The following OLFM1 variants were observed in gnomAD, a reference collection of about 807,000 sequenced individuals.
OLFM1 encodes the protein noelin.
A neutral mutation model predicts 49.7 loss-of-function variants in OLFM1; 9 were observed. The ratio of observed to expected loss-of-function variants is 0.18; its 90% CI spans 0.11 to 0.32. OLFM1 has a LOEUF of 0.32. OLFM1 is among the 10% of genes least tolerant of loss of function. The pLI, the probability that OLFM1 is intolerant of heterozygous loss-of-function variation, is 1.00. For missense variants in OLFM1, 369 were observed against 661.8 expected (o/e 0.56, Z 4.85); for synonymous variants, 240 against 271.8 (o/e 0.88, Z 1.15).
intron 4 of OLFM1, among the ~76,000 whole-genome samples, chr9:135,102,583 C>G (rs116920251): frequency 6.6e-6 from 1 of 152,164 alleles, no homozygotes; most frequent in Non-Finnish European, 1.5e-5. Flanking sequence ...GAGGGTCTGC[C>G]GTGACCCTTT....
upstream of OLFM1, chr9:135,087,193 G>C (rs2119095894): frequency 1.4e-6 from 2 of 1,389,768 alleles, no homozygotes; most frequent in Admixed American, 6.3e-5. Flanking sequence ...TCGCGAGTCT[G>C]GCTGCTTTTC....
intron 1 of OLFM1, chr9:135,076,331 T>C: frequency 6.5e-7 from 1 of 1,549,508 alleles, no homozygotes; most frequent in Non-Finnish European, 8.7e-7. Context: ...GCCGGCCAGC[T>C]GTGTGCATTG....
At chr9:135,114,321 G>C (rs1831066209) in intron 5 of OLFM1, among the ~76,000 whole-genome samples, 1 of 151,748 alleles carries the variant, frequency 6.6e-6, no homozygotes, top group South Asian at 2.1e-4. Context: ...AGGTTTCACT[G>C]TGTTGGCCAG....
At chr9:135,089,709 C>G (rs975677935) in intron 1 of OLFM1, among the ~76,000 whole-genome samples, 1 of 152,164 alleles carries the variant, frequency 6.6e-6, no homozygotes, top group Non-Finnish European at 1.5e-5. Flanking sequence ...GTGGGTGCTT[C>G]GTCTGCAAGT....
Position 135,077,137 on chromosome 9 carries a change from C to T in OLFM1, c.96+1335C>T, listed in dbSNP as rs761785162. ...GTTGTGCACTGTTGCTGGACAGATG[C>T]ATTCATTCATGTGCACACACACACA... On this transcript the variant is annotated intron_variant, in intron 1 of 5. Coordinates refer to the OLFM1 transcript ENST00000252854. 25 of 1,549,488 alleles carry T rather than the reference C, an allele frequency of 1.6e-5. No homozygotes were observed. In the South Asian group the frequency reaches 2.1e-4, roughly 13 times the overall value.
intron 1 of OLFM1, chr9:135,076,066 G>GC: frequency 6.9e-7 from 1 of 1,457,828 alleles, no homozygotes; most frequent in Non-Finnish European, 9.1e-7. Context: ...GGACTCCGCT[G>GC]CCCCCGACTC....
chr9:135,089,204 C>A (rs148008166), intron 1 of OLFM1, among the ~76,000 whole-genome samples: 18 of 152,352 alleles, frequency 1.2e-4, no homozygotes, highest in African/African-American at 4.3e-4. Flanking sequence ...GACTTTGTTC[C>A]GGCCTGCCGG....
At chr9:135,106,149 G>C (rs1011360555) in intron 4 of OLFM1, 1 of 152,526 alleles carries the variant, frequency 6.6e-6, no homozygotes, top group Non-Finnish European at 1.5e-5. Context: ...AGAAGCAACC[G>C]GCTCACGCCT....
chr9:135,112,643 A>T (rs1831038691), intron 5 of OLFM1, among the ~76,000 whole-genome samples: 1 of 152,234 alleles, frequency 6.6e-6, no homozygotes, highest in Non-Finnish European at 1.5e-5. Context: ...CCGTCCACCC[A>T]GTCCGCACAG....
upstream of OLFM1, among the ~76,000 whole-genome samples, chr9:135,086,134 T>C (rs1830593104): frequency 6.6e-6 from 1 of 152,114 alleles, no homozygotes; most frequent in South Asian, 2.1e-4. Flanking sequence ...GTGTTAAACA[T>C]GCATGGCCAG....
chr9:135,104,081 G>A (rs935773642), intron 4 of OLFM1, among the ~76,000 whole-genome samples: 1 of 152,210 alleles, frequency 6.6e-6, no homozygotes. Flanking sequence ...CTTCCCTGGG[G>A]CAGTAAGACC....
intron 4 of OLFM1, among the ~76,000 whole-genome samples, chr9:135,103,242 CTG>C (rs1830895021): frequency 6.6e-6 from 1 of 152,234 alleles, no homozygotes; most frequent in South Asian, 2.1e-4. Flanking sequence ...GTGCTCGTGA[CTG>C]GAGAGGGACG....
At chr9:135,108,642 AAAAC>A (rs1830979415) in intron 5 of OLFM1, among the ~76,000 whole-genome samples, 1 of 151,934 alleles carries the variant, frequency 6.6e-6, no homozygotes, top group Admixed American at 6.5e-5. Flanking sequence ...CAAAAAAAAA[AAAAC>A]AAAAAAAACA....
chr9:135,101,255 G>A (rs1012523320), intron 4 of OLFM1, among the ~76,000 whole-genome samples: 2 of 152,018 alleles, frequency 1.3e-5, no homozygotes, highest in African/African-American at 2.4e-5. Context: ...CCCCTGTCCC[G>A]GACCCCGCAG....
chr9:135,108,356 G>A (rs1006676654), intron 5 of OLFM1, among the ~76,000 whole-genome samples: 3 of 152,104 alleles, frequency 2.0e-5, no homozygotes, highest in African/African-American at 2.4e-5. Context: ...AAGCAGGCCC[G>A]GGCACAGTGG....
At chr9:135,089,064 C>T (rs770692498) in intron 1 of OLFM1, among the ~76,000 whole-genome samples, 4 of 152,288 alleles carry the variant, frequency 2.6e-5, no homozygotes, top group East Asian at 1.9e-4. Flanking sequence ...AGTCTCCCTC[C>T]CTCTCTCTTT....
intron 1 of OLFM1, among the ~76,000 whole-genome samples, chr9:135,082,027 T>G (rs1285580324): frequency 6.6e-6 from 1 of 152,232 alleles, no homozygotes; most frequent in African/African-American, 2.4e-5. Flanking sequence ...TCTGTGCTCG[T>G]GTCAAAGCTC....
chr9:135,089,883 C>G (rs554909168), intron 1 of OLFM1, among the ~76,000 whole-genome samples: 55 of 152,326 alleles, frequency 3.6e-4, no homozygotes, highest in African/African-American at 1.3e-3. Flanking sequence ...CCCTCCCATC[C>G]ACCCAGCAGA....
intron 1 of OLFM1, 42 bp from the exon 2 acceptor site, chr9:135,090,153 T>C (rs760735548): frequency 2.4e-5 from 38 of 1,564,314 alleles, no homozygotes; most frequent in Non-Finnish European, 3.2e-5. Flanking sequence ...ATGGTCTCCC[T>C]TTCTCTCCTT....
Sources: allele counts gnomAD v4.1 joint callset (sites outside exome capture counted in the v4.1 genomes callset), GRCh38; gene constraint gnomAD v4.1.1; transcripts MANE v1.5; gene names NCBI Gene and HGNC (gene_info 2026-07-23, HGNC 2026-07-21).